CPLANE1: variants seen among roughly 807,000 people sequenced by gnomAD.
CPLANE1 encodes the protein ciliogenesis and planar polarity effector 1.
In CPLANE1, 263 loss-of-function variants were observed where a neutral mutation model predicts 362.5. The ratio of observed to expected loss-of-function variants is 0.73; its 90% CI spans 0.66 to 0.80. CPLANE1 has a LOEUF of 0.80. Ranked by LOEUF, CPLANE1 falls within the 30% of genes least tolerant of loss-of-function variation. The probability of loss-of-function intolerance (pLI) is 0.00; values close to 1 mark genes in which losing one functional copy is unlikely to be tolerated. For synonymous variants in CPLANE1, 1,212 were observed against 1,302.6 expected (o/e 0.93, Z 1.50); for missense variants, 3,461 against 3,793.4 (o/e 0.91, Z 2.30).
chr5:37,159,256 C>A (rs983816941), intron 38 of CPLANE1, among the ~76,000 whole-genome samples: 1 of 150,086 alleles, frequency 6.7e-6, no homozygotes, highest in South Asian at 2.1e-4. Flanking sequence ...GGACTACAGG[C>A]GCCCGCCACC....
intron 32 of CPLANE1, 123 bp downstream of exon 32, chr5:37,173,632 C>A: frequency 1.2e-6 from 1 of 838,890 alleles, no homozygotes; most frequent in Non-Finnish European, 1.8e-6. Flanking sequence ...TGAAAAGTAC[C>A]CAAAGCAGAG....
intron 51 of CPLANE1, among the ~76,000 whole-genome samples, chr5:37,112,704 A>G (rs1320463558): frequency 6.6e-6 from 1 of 152,226 alleles, no homozygotes; most frequent in African/African-American, 2.4e-5. Flanking sequence ...CATCATTCCC[A>G]AAGAAAATCC....
chr5:37,219,139 G>A (rs1310880580), intron 15 of CPLANE1, among the ~76,000 whole-genome samples: 2 of 152,158 alleles, frequency 1.3e-5, no homozygotes, highest in African/African-American at 4.8e-5. Flanking sequence ...ATTTTGAGAG[G>A]CTGAGGTGTG....
At position 37,170,032 on chromosome 5, in the gene CPLANE1, ATACATTACCTG is replaced by A; in HGVS notation, c.6460_6462+8del. ...GCCCAGCCATTAATGGTATTTTTAC[ATACATTACCTG>A]TACGTTTCCAGTACTATTTTGACCA... On this transcript the variant is annotated splice_donor_variant and splice_donor_5th_base_variant and coding_sequence_variant and intron_variant, in exon 33 of 53. Transcript: ENST00000651892. LOFTEE classifies it high-confidence loss of function. 1 of 1,609,256 alleles carries A rather than the reference ATACATTACCTG, an allele frequency of 6.2e-7. No individual in the cohort carries two copies. Among genetic ancestry groups the A allele is most frequent in the South Asian group, 1.1e-5 (1 of 90,706 alleles).
In CPLANE1 at chr5:37,239,851, A is replaced by T; in HGVS notation, c.696T>A (p.Val232=). Reference sequence around the variant, plus strand: ...GATGACAGTCTTGTTGAGCCCAATGAACATGGTATGGCAATGATCTAAAAA... The same window carrying T: ...GATGACAGTCTTGTTGAGCCCAATGTACATGGTATGGCAATGATCTAAAAA... ...FTSVRSLPYH[V]HWAQQDCHLC... Residue 232 remains valine, a synonymous_variant, in exon 7 of 53, where the codon GTT becomes GTA. Transcript: ENST00000651892. 6.6e-7 allele frequency: 1 copy of T among 1,513,330 alleles called. No individual in the cohort carries two copies. Among genetic ancestry groups the T allele is most frequent in the South Asian group, 1.3e-5 (1 of 76,286 alleles). 93.7% of individuals were successfully genotyped at this position (1,513,330 alleles called of 1,614,324 possible). A position where few individuals can be genotyped will look rare whatever the true frequency, so the allele number is the denominator to read the frequency against.
Position 37,114,948 on chromosome 5 carries a change from T to C in CPLANE1, c.9400+12A>G, listed in dbSNP as rs770939035. On this transcript the variant is annotated intron_variant, in intron 51 of 52. Coordinates refer to ENST00000651892, the MANE Select transcript of CPLANE1 (RefSeq NM_001384732.1). ...TATTAAGTCTAAAAACTTTATCTTCTTTATCCCTTACCTTTTTGGAAGGTA... is the reference window on the plus strand; with the variant it reads ...TATTAAGTCTAAAAACTTTATCTTCCTTATCCCTTACCTTTTTGGAAGGTA... 21 of 1,538,028 alleles carry C rather than the reference T, an allele frequency of 1.4e-5. No individual in the cohort carries two copies. The highest frequency in any genetic ancestry group is 1.7e-5 in the Non-Finnish European group (19 of 1,115,284).
At chr5:37,196,757 T>C (rs1160078515) in intron 20 of CPLANE1, among the ~76,000 whole-genome samples, 1 of 152,060 alleles carries the variant, frequency 6.6e-6, no homozygotes, top group African/African-American at 2.4e-5. Flanking sequence ...AAACTCCATC[T>C]CTACTAAAAA....
chr5:37,154,404 A>G (rs572080930), intron 41 of CPLANE1, among the ~76,000 whole-genome samples: 2 of 150,002 alleles, frequency 1.3e-5, no homozygotes, highest in South Asian at 2.1e-4. Context: ...ATCAAAGCCA[A>G]TGACTCTTCT....
rs1739468537 is a variant in CPLANE1 at position 37,245,911 on chromosome 5, AAATT to A, written c.82-70_82-67del. The A allele has an allele frequency of 2.9e-6, 4 of 1,370,244 alleles. No homozygotes were observed. In the African/African-American group the frequency reaches 5.9e-5, roughly 20 times the overall value. 84.9% of individuals were successfully genotyped at this position (1,370,244 alleles called of 1,614,324 possible). On this transcript the variant is annotated intron_variant, in intron 2 of 52. Transcript: ENST00000651892. ...AATTAATTCAACTTACTGCCTAAAT[AAATT>A]ATCCCAGAAATCAAAGCGACATTTA...
chr5:37,117,405 A>T (rs1361948900), intron 50 of CPLANE1, among the ~76,000 whole-genome samples: 3 of 150,662 alleles, frequency 2.0e-5, no homozygotes, highest in Non-Finnish European at 4.4e-5. Context: ...AGGACAGAAA[A>T]ATAACTGCTT....
intron 46 of CPLANE1, among the ~76,000 whole-genome samples, chr5:37,131,614 T>G (rs960903658): frequency 2.6e-5 from 4 of 151,808 alleles, no homozygotes; most frequent in Non-Finnish European, 5.9e-5. Context: ...CACTGCAACC[T>G]CCACCTCCCA....
Position 37,183,459 on chromosome 5 carries a change from A to G in CPLANE1, c.4722T>C (p.Ile1574=). Residue 1574 remains isoleucine, a synonymous_variant, in exon 26 of 53, where the codon ATT becomes ATC. Coordinates refer to ENST00000651892, the MANE Select transcript of CPLANE1 (RefSeq NM_001384732.1). The part of the protein sequence containing the change: ...RDLPYSRDAD[I]PFLTSFSGKL... Reference sequence around the variant, plus strand: ...TTCCAGAAAAACTAGTTAGAAATGGAATGTCAGCATCCCTGGAATAAGGTA... The same window carrying G: ...TTCCAGAAAAACTAGTTAGAAATGGGATGTCAGCATCCCTGGAATAAGGTA... 1 of 1,613,578 alleles carries G rather than the reference A, an allele frequency of 6.2e-7. No homozygotes were observed. Among genetic ancestry groups the G allele is most frequent in the South Asian group, 1.1e-5 (1 of 91,058 alleles).
downstream of CPLANE1, among the ~76,000 whole-genome samples, chr5:37,104,248 T>G (rs571757121): frequency 6.6e-6 from 1 of 152,210 alleles, no homozygotes; most frequent in Non-Finnish European, 1.5e-5. Context: ...CTGGTTATTC[T>G]GGCTATCAGC....
intron 46 of CPLANE1, among the ~76,000 whole-genome samples, chr5:37,127,759 G>A (rs1424142845): frequency 2.6e-5 from 4 of 151,758 alleles, no homozygotes; most frequent in Admixed American, 6.6e-5. Flanking sequence ...CAGGTGATCC[G>A]CCCACCTTGG....
intron 21 of CPLANE1, among the ~76,000 whole-genome samples, chr5:37,190,287 T>A (rs184730566): frequency 6.6e-6 from 1 of 151,702 alleles, no homozygotes; most frequent in Non-Finnish European, 1.5e-5. Flanking sequence ...GATGGACTTA[T>A]AGGCCAGGCA....
chr5:37,164,463 A>C (rs1317435184), intron 36 of CPLANE1, 136 bp from the exon 37 acceptor site: 1 of 620,540 alleles, frequency 1.6e-6, no homozygotes, highest in East Asian at 2.8e-5. Flanking sequence ...TAAGTATTCT[A>C]TCAAATTATT....
At chr5:37,191,487 G>A (rs1444744193) in intron 21 of CPLANE1, among the ~76,000 whole-genome samples, 2 of 152,046 alleles carry the variant, frequency 1.3e-5, no homozygotes, top group South Asian at 2.1e-4. Context: ...CCTGGGCAAC[G>A]TGGTGAAACC....
Position 37,239,630 on chromosome 5 carries a change from G to C in CPLANE1, c.834+83C>G, listed in dbSNP as rs78378437. The stretch of plus-strand genomic sequence containing the variant: ...AAAGAAAAAAAAAATGGATATAAAG[G>C]AGTATTTAGAAAAAGAAAAATCTCA... On this transcript the variant is annotated intron_variant, in intron 7 of 52. Coordinates refer to ENST00000651892, the MANE Select transcript of CPLANE1 (RefSeq NM_001384732.1). 5.5e-3 allele frequency: 4,827 copies of C among 883,542 alleles called. 72 individuals carry two copies. The highest frequency in any genetic ancestry group is 0.048 in the East Asian group (1,485 of 31,112). 54.7% of individuals were successfully genotyped at this position (883,542 alleles called of 1,614,324 possible).
rs570018664 is a variant in CPLANE1, at chr5:37,111,042, C to T, written c.9401-2571G>A. The stretch of plus-strand genomic sequence containing the variant: ...CAGGATGGTCTCAATCTCCTGACCT[C>T]GTGATCCGCCTGCCTCAGCCTCCCA... On this transcript the variant is annotated intron_variant, in intron 51 of 52. Coordinates refer to ENST00000651892, the MANE Select transcript of CPLANE1 (RefSeq NM_001384732.1). 9.9e-5 allele frequency among the ~76,000 whole-genome samples: 15 copies of T among 151,834 alleles called. No individual in the cohort carries two copies. The South Asian group carries it at 1.9e-3, about 19-fold the overall frequency.
Sources: gnomAD v4.1 joint callset for allele counts (sites outside exome capture counted in the v4.1 genomes callset) on GRCh38, gnomAD v4.1.1 for gene constraint, MANE v1.5 for transcripts, NCBI Gene and HGNC (gene_info 2026-07-23, HGNC 2026-07-21) for gene names.